Variants in CUL1 observed in about 807,000 individuals in gnomAD.
The protein encoded by CUL1 is cullin-1.
In CUL1, 24 loss-of-function variants were observed where a neutral mutation model predicts 118.0. The ratio of observed to expected loss-of-function variants is 0.20; its 90% CI spans 0.15 to 0.29. The LOEUF is 0.29. Among genes scored for constraint, CUL1 ranks in the 10% least tolerant of loss-of-function variants. The pLI is 1.00. For missense variants in CUL1, 361 were observed against 933.8 expected (o/e 0.39, Z 7.99); for synonymous variants, 332 against 340.4 (o/e 0.98, Z 0.27).
intron 1 of CUL1, among the ~76,000 whole-genome samples, chr7:148,702,088 A>AC (rs1362037033): frequency 6.6e-6 from 1 of 152,252 alleles, no homozygotes; most frequent in Non-Finnish European, 1.5e-5. Flanking sequence ...GCATTAAATG[A>AC]AAAATAGATC....
At chr7:148,754,475 C>CT (rs1442721919) in intron 3 of CUL1, among the ~76,000 whole-genome samples, 4 of 152,154 alleles carry the variant, frequency 2.6e-5, no homozygotes, top group Middle Eastern at 3.2e-3. Context: ...GTGCCCAGCT[C>CT]TTTCTGTTTT....
At chr7:148,736,964 A>T (rs775430241) in intron 2 of CUL1, among the ~76,000 whole-genome samples, 1 of 152,246 alleles carries the variant, frequency 6.6e-6, no homozygotes. Flanking sequence ...ATGAGTTTTT[A>T]AAAATTGCTC....
upstream of CUL1, chr7:148,698,133 G>A (rs1041780182): frequency 6.6e-6 from 1 of 152,226 alleles, no homozygotes; most frequent in East Asian, 1.9e-4. Flanking sequence ...CGATTCCTAA[G>A]GCCTTGCAGG....
upstream of CUL1, chr7:148,698,241 C>T (rs962722947): frequency 2.0e-5 from 3 of 152,246 alleles, no homozygotes; most frequent in Non-Finnish European, 2.9e-5. Flanking sequence ...ACCCCCAGTC[C>T]CTGTCCCGGT....
At chr7:148,780,405 C>T (rs758874599) in intron 9 of CUL1, among the ~76,000 whole-genome samples, 102 of 152,290 alleles carry the variant, frequency 6.7e-4, no homozygotes, top group Non-Finnish European at 9.1e-4. Context: ...CACAATAAAA[C>T]GTTGAAAAGA....
intron 2 of CUL1, among the ~76,000 whole-genome samples, chr7:148,736,723 A>T (rs1408331045): frequency 6.6e-6 from 1 of 152,246 alleles, no homozygotes; most frequent in African/African-American, 2.4e-5. Context: ...TAATAATAGG[A>T]AACAATGGAA....
At chr7:148,744,016 T>G (rs1799228976) in intron 2 of CUL1, among the ~76,000 whole-genome samples, 1 of 152,238 alleles carries the variant, frequency 6.6e-6, no homozygotes, top group Non-Finnish European at 1.5e-5. Context: ...TTATGAAATG[T>G]GTCCCTTTTT....
chr7:148,730,601 T>C (rs17171100), intron 2 of CUL1, among the ~76,000 whole-genome samples: 1,611 of 152,342 alleles, frequency 0.011, 25 homozygotes, highest in African/African-American at 0.037. Context: ...AGCAAGGTCC[T>C]GAGGTTCTCA....
intron 1 of CUL1, among the ~76,000 whole-genome samples, chr7:148,706,776 TTTTG>T (rs1360247600): frequency 6.6e-6 from 1 of 152,074 alleles, no homozygotes; most frequent in Non-Finnish European, 1.5e-5. Flanking sequence ...ATTATGAAGA[TTTTG>T]TTTGTTTTGG....
intron 2 of CUL1, among the ~76,000 whole-genome samples, chr7:148,750,332 GGT>G (rs1422830312): frequency 1.3e-5 from 2 of 150,986 alleles, no homozygotes; most frequent in African/African-American, 2.4e-5. Flanking sequence ...TAAGTTCTAG[GGT>G]ACATATGCAC....
At chr7:148,733,002 C>T (rs1798813219) in intron 2 of CUL1, among the ~76,000 whole-genome samples, 1 of 152,048 alleles carries the variant, frequency 6.6e-6, no homozygotes, top group Non-Finnish European at 1.5e-5. Flanking sequence ...CCATCCACAC[C>T]TCATTAAGCC....
intron 2 of CUL1, among the ~76,000 whole-genome samples, chr7:148,740,777 A>G (rs1799115928): frequency 6.6e-6 from 1 of 152,184 alleles, no homozygotes; most frequent in African/African-American, 2.4e-5. Flanking sequence ...TTATAAGAAG[A>G]GGAAGAGACA....
chr7:148,799,457 G>T, intron 21 of CUL1, 69 bp downstream of exon 21: 1 of 1,055,346 alleles, frequency 9.5e-7, no homozygotes, highest in Non-Finnish European at 1.4e-6. Flanking sequence ...GCAAAAAGTG[G>T]ATTGATTGCT....
intron 1 of CUL1, among the ~76,000 whole-genome samples, chr7:148,723,491 A>G (rs1798459667): frequency 6.6e-6 from 1 of 152,210 alleles, no homozygotes; most frequent in Admixed American, 6.5e-5. Context: ...CATCATAGTC[A>G]ATATCATATT....
At chr7:148,769,167 T>C (rs1250474541) in intron 9 of CUL1, among the ~76,000 whole-genome samples, 2 of 152,084 alleles carry the variant, frequency 1.3e-5, no homozygotes, top group African/African-American at 4.8e-5. Flanking sequence ...GTCATTTTAT[T>C]TTATTTTTAT....
chr7:148,737,206 TG>T (rs1798975019), intron 2 of CUL1, among the ~76,000 whole-genome samples: 1 of 150,818 alleles, frequency 6.6e-6, no homozygotes, highest in Non-Finnish European at 1.5e-5. Flanking sequence ...TTTTTTTTGG[TG>T]GGGTAGGCGG....
intron 1 of CUL1, among the ~76,000 whole-genome samples, chr7:148,717,348 G>A (rs1197952023): frequency 1.3e-5 from 2 of 152,138 alleles, no homozygotes; most frequent in African/African-American, 4.8e-5. Flanking sequence ...ACCATGCCCG[G>A]CCTTGTTTTG....
At chr7:148,765,458 T>C (rs1212210118) in intron 7 of CUL1, among the ~76,000 whole-genome samples, 1 of 152,044 alleles carries the variant, frequency 6.6e-6, no homozygotes, top group Non-Finnish European at 1.5e-5. Context: ...AGTGAGACCT[T>C]GTCTCTAGAA....
At chr7:148,773,911 T>C (rs1208406277) in intron 9 of CUL1, among the ~76,000 whole-genome samples, 1 of 152,226 alleles carries the variant, frequency 6.6e-6, no homozygotes, top group Non-Finnish European at 1.5e-5. Context: ...CGTCCCTCTA[T>C]TGTAGCAGAG....
Sources: gnomAD v4.1 joint callset for allele counts (sites outside exome capture counted in the v4.1 genomes callset) on GRCh38, gnomAD v4.1.1 for gene constraint, MANE v1.5 for transcripts, NCBI Gene and HGNC (gene_info 2026-07-23, HGNC 2026-07-21) for gene names.